Variants in CACNA1C observed in about 807,000 individuals in gnomAD.
The protein encoded by CACNA1C is calcium voltage-gated channel subunit alpha1 C, also known as voltage-dependent L-type calcium channel subunit alpha-1C.
A neutral mutation model predicts 229.0 loss-of-function variants in CACNA1C; 30 were observed. The ratio of observed to expected loss-of-function variants is 0.13; its 90% confidence interval spans 0.10 to 0.18. The LOEUF (loss-of-function observed/expected upper bound fraction) is 0.18, where lower values mean the gene tolerates loss of function less well. Ranked by LOEUF, CACNA1C falls within the 10% of genes least tolerant of loss-of-function variation. The pLI is 1.00. For missense variants in CACNA1C, 1,658 were observed against 2,845.0 expected (o/e 0.58, Z 9.49); for synonymous variants, 1,114 against 1,132.5 (o/e 0.98, Z 0.33).
rs548549607 is a variant in CACNA1C at position 2,199,817 on chromosome 12, G to A, written c.477+79387G>A. On this transcript the variant is annotated intron_variant, in intron 3 of 46. Transcript: ENST00000399655. Reference sequence around the variant, plus strand: ...CCATTTACTTCAGCCGAGAGGTGAAGGCTGCCGTGAGGCAGGACCATATCA... The same window carrying A: ...CCATTTACTTCAGCCGAGAGGTGAAAGCTGCCGTGAGGCAGGACCATATCA... 3.9e-5 allele frequency among the ~76,000 whole-genome samples: 6 copies of A among 152,242 alleles called. No individual in the cohort carries two copies. The South Asian group carries it at 8.3e-4, about 21-fold the overall frequency.
chr12:2,681,214 A>G (rs563703337), intron 42 of CACNA1C, among the ~76,000 whole-genome samples: 6 of 152,214 alleles, frequency 3.9e-5, no homozygotes, highest in Non-Finnish European at 7.4e-5. Context: ...ACATAAGGGG[A>G]GAGGGATGTT....
In CACNA1C at chr12:2,486,398, G is replaced by T; in HGVS notation, c.916+136G>T. On this transcript the variant is annotated intron_variant, in intron 6 of 46. Coordinates refer to ENST00000399655, the MANE Select transcript of CACNA1C (RefSeq NM_000719.7). The surrounding 1 kb of genome is among the most constrained non-coding windows in gnomAD (Gnocchi z 4.9). ...TTCATTCAGACACACACTGGGCATG[G>T]TTAAGTGAGAGGCAGAGACCCGTAT... 1.5e-6 allele frequency: 1 copy of T among 645,336 alleles called. No homozygotes were observed. Among genetic ancestry groups the T allele is most frequent in the Admixed American group, 3.2e-5 (1 of 31,662 alleles). The allele number at this position is 645,336 out of a possible 1,614,324, so 40.0% of individuals were successfully genotyped here. A position where few individuals can be genotyped will look rare whatever the true frequency, so the allele number is the denominator to read the frequency against.
rs1052962137 is a variant in CACNA1C, at chr12:2,646,799, T to C, written c.3913-1676T>C. Among the ~76,000 whole-genome samples, 8 of 151,976 alleles carry C rather than the reference T, an allele frequency of 5.3e-5. No individual in the cohort carries two copies. The highest frequency in any genetic ancestry group is 2.1e-4 in the South Asian group (1 of 4,800). On this transcript the variant is annotated intron_variant, in intron 30 of 46. Coordinates refer to ENST00000399655, the MANE Select transcript of CACNA1C (RefSeq NM_000719.7). This position sits in a 1 kb window ranked among gnomAD's most constrained non-coding sequence, Gnocchi z 4.6. ...GAGAGAGAGAGAGAGAGTGTGTGTGTGCGCGTGTGTGTGTCTGCCTATGTT... is the reference window on the plus strand; with the variant it reads ...GAGAGAGAGAGAGAGAGTGTGTGTGCGCGCGTGTGTGTGTCTGCCTATGTT...
intron 3 of CACNA1C, among the ~76,000 whole-genome samples, chr12:2,251,377 T>G (rs186404714): frequency 6.6e-6 from 1 of 152,206 alleles, no homozygotes; most frequent in East Asian, 1.9e-4. Context: ...AGGACATGGC[T>G]GAAGCGTGTT....
chr12:2,078,984 A>G (rs1022675415), intron 1 of CACNA1C, among the ~76,000 whole-genome samples: 25 of 151,934 alleles, frequency 1.6e-4, no homozygotes, highest in African/African-American at 5.3e-4. Context: ...TTGTAGGGAC[A>G]TGGATGAAGC....
chr12:2,229,034 T>G (rs2063887486), intron 3 of CACNA1C, among the ~76,000 whole-genome samples: 1 of 152,088 alleles, frequency 6.6e-6, no homozygotes, highest in South Asian at 2.1e-4. Context: ...AGCAGATGTA[T>G]GGGCCCATTA....
intron 9 of CACNA1C, among the ~76,000 whole-genome samples, chr12:2,527,327 T>C (rs1292142823): frequency 6.6e-6 from 1 of 152,220 alleles, no homozygotes; most frequent in Non-Finnish European, 1.5e-5. Context: ...GACTTGTTTG[T>C]GTCTTTTGCT....
At chr12:2,261,870 A>C (rs1017059627) in intron 3 of CACNA1C, among the ~76,000 whole-genome samples, 1 of 152,218 alleles carries the variant, frequency 6.6e-6, no homozygotes, top group African/African-American at 2.4e-5. Flanking sequence ...GGATGTGTGC[A>C]GTACTAATAT....
At chr12:2,115,883 T>C (rs926498191) in intron 2 of CACNA1C, among the ~76,000 whole-genome samples, 1 of 152,266 alleles carries the variant, frequency 6.6e-6, no homozygotes, top group African/African-American at 2.4e-5. Context: ...TAGCTGAGCT[T>C]GCCCAGGGGC....
chr12:2,040,730 A>G (rs1363827190), intron 1 of CACNA1C, among the ~76,000 whole-genome samples: 3 of 152,250 alleles, frequency 2.0e-5, no homozygotes, highest in African/African-American at 7.2e-5. Flanking sequence ...GGGTGCTTCA[A>G]TGGATTGTCA....
intron 1 of CACNA1C, among the ~76,000 whole-genome samples, chr12:1,979,085 C>T (rs541591227): frequency 6.6e-6 from 1 of 152,220 alleles, no homozygotes; most frequent in East Asian, 1.9e-4. Flanking sequence ...TCTTGGCTCA[C>T]TGCTGCAACC....
intron 5 of CACNA1C, among the ~76,000 whole-genome samples, chr12:2,468,763 C>A (rs2099574070): frequency 6.6e-6 from 1 of 152,234 alleles, no homozygotes; most frequent in African/African-American, 2.4e-5. Flanking sequence ...GGGAGGCACT[C>A]CGGCCTGCCG....
At chr12:2,430,670 C>T (rs1432735085) in intron 3 of CACNA1C, among the ~76,000 whole-genome samples, 1 of 152,174 alleles carries the variant, frequency 6.6e-6, no homozygotes, top group Non-Finnish European at 1.5e-5. Flanking sequence ...CCCAAGCACC[C>T]TGGTCTCTGT....
At chr12:2,535,536 TA>T (rs57441915) in intron 9 of CACNA1C, among the ~76,000 whole-genome samples, 53 of 138,366 alleles carry the variant, frequency 3.8e-4, no homozygotes, top group Admixed American at 5.8e-4. Flanking sequence ...CCATCTCTAT[TA>T]AAAAAAAAAA....
chr12:2,363,384 CA>C (rs2097622939), intron 3 of CACNA1C, among the ~76,000 whole-genome samples: 2 of 152,238 alleles, frequency 1.3e-5, no homozygotes, highest in Non-Finnish European at 2.9e-5. Context: ...GGAAACTCCA[CA>C]TCATTTTGAC....
intron 3 of CACNA1C, among the ~76,000 whole-genome samples, chr12:2,203,593 C>T (rs1051101877): frequency 1.3e-5 from 2 of 152,158 alleles, no homozygotes; most frequent in African/African-American, 4.8e-5. Context: ...ATGGCCAAGC[C>T]GGTACCTGTA....
chr12:2,558,126 C>G (rs2045489973), intron 11 of CACNA1C, among the ~76,000 whole-genome samples: 1 of 152,226 alleles, frequency 6.6e-6, no homozygotes, highest in Non-Finnish European at 1.5e-5. Flanking sequence ...AGTGATTTGT[C>G]TCTCAGATTG....
chr12:2,523,701 A>C (rs1018649306), intron 9 of CACNA1C, among the ~76,000 whole-genome samples: 1 of 152,208 alleles, frequency 6.6e-6, no homozygotes, highest in African/African-American at 2.4e-5. Flanking sequence ...GTAGGCACTC[A>C]GTAAAGAGCT....
At chr12:2,342,393 AC>A (rs2096890975) in intron 3 of CACNA1C, among the ~76,000 whole-genome samples, 1 of 152,206 alleles carries the variant, frequency 6.6e-6, no homozygotes, top group Non-Finnish European at 1.5e-5. Flanking sequence ...TTGTAAATTT[AC>A]TATAGGCATT....
Sources: gnomAD v4.1 joint callset for allele counts (sites outside exome capture counted in the v4.1 genomes callset) on GRCh38, gnomAD v4.1.1 for gene constraint, Gnocchi (gnomAD v3.1) non-coding constraint, MANE v1.5 for transcripts, NCBI Gene and HGNC (gene_info 2026-07-23, HGNC 2026-07-21) for gene names.